COQ10B: variants seen among roughly 807,000 people sequenced by gnomAD.
COQ10B encodes coenzyme Q10B, also known as coenzyme Q-binding protein COQ10 homolog B, mitochondrial.
A neutral mutation model predicts 27.6 loss-of-function variants in COQ10B; 12 were observed. The observed-to-expected ratio is 0.43, with a 90% confidence interval of 0.28 to 0.70. COQ10B has a LOEUF of 0.70. Ranked by LOEUF, COQ10B falls within the 30% of genes least tolerant of loss-of-function variation. The probability of loss-of-function intolerance (pLI) is 0.17; values close to 1 mark genes in which losing one functional copy is unlikely to be tolerated. For synonymous variants in COQ10B, 115 were observed against 103.0 expected (o/e 1.12, Z -0.71); for missense variants, 278 against 288.7 (o/e 0.96, Z 0.27).
chr2:197,460,847 C>T (rs965072927), intron 2 of COQ10B, among the ~76,000 whole-genome samples: 5 of 152,178 alleles, frequency 3.3e-5, no homozygotes, highest in South Asian at 2.1e-4. Context: ...TTTAAATAAA[C>T]GGGTGTGGCC....
chr2:197,454,322 C>T, intron 1 of COQ10B: 1 of 514,744 alleles, frequency 1.9e-6, no homozygotes, highest in Non-Finnish European at 3.4e-6. Context: ...GACTTAGTTT[C>T]CTTTTACTAA....
chr2:197,464,772 C>G (rs539857610), intron 3 of COQ10B, among the ~76,000 whole-genome samples: 1 of 151,994 alleles, frequency 6.6e-6, no homozygotes, highest in African/African-American at 2.4e-5. Flanking sequence ...GGTCACAGAG[C>G]CAAGACTCCA....
At chr2:197,458,985 T>C (rs1035354506) in intron 1 of COQ10B, among the ~76,000 whole-genome samples, 2 of 152,098 alleles carry the variant, frequency 1.3e-5, no homozygotes, top group African/African-American at 2.4e-5. Context: ...CAGTCACTTA[T>C]GTAATAATCT....
At chr2:197,455,751 G>A (rs1455125392) in intron 1 of COQ10B, among the ~76,000 whole-genome samples, 1 of 151,984 alleles carries the variant, frequency 6.6e-6, no homozygotes, top group Non-Finnish European at 1.5e-5. Context: ...CTTGAAATCA[G>A]GAGTTTGAGA....
At chr2:197,470,756 G>A (rs549729867) in intron 4 of COQ10B, among the ~76,000 whole-genome samples, 54 of 152,268 alleles carry the variant, frequency 3.5e-4, no homozygotes, top group Non-Finnish European at 5.6e-4. Flanking sequence ...TTAGCCGGGC[G>A]TGGTGGCATG....
At chr2:197,473,221 T>C (rs780929326) in intron 4 of COQ10B, among the ~76,000 whole-genome samples, 6 of 151,194 alleles carry the variant, frequency 4.0e-5, no homozygotes, top group African/African-American at 1.5e-4. Flanking sequence ...CAGTTCATAG[T>C]GTGAACACCA....
chr2:197,456,587 A>AC (rs1478621755), intron 1 of COQ10B, among the ~76,000 whole-genome samples: 1 of 150,862 alleles, frequency 6.6e-6, no homozygotes, highest in East Asian at 2.0e-4. Flanking sequence ...ACACAGTGAA[A>AC]CCCCATCTCA....
intron 4 of COQ10B, among the ~76,000 whole-genome samples, chr2:197,472,693 ACT>A (rs2085890527): frequency 6.7e-6 from 1 of 149,952 alleles, no homozygotes; most frequent in Admixed American, 6.8e-5. Flanking sequence ...GGTCCCAGCT[ACT>A]CTGGAGGCTG....
intron 3 of COQ10B, among the ~76,000 whole-genome samples, chr2:197,464,478 A>G (rs1477507876): frequency 6.6e-6 from 1 of 152,180 alleles, no homozygotes; most frequent in African/African-American, 2.4e-5. Flanking sequence ...TGTCCAGTGA[A>G]GCTAAGACCC....
intron 3 of COQ10B, among the ~76,000 whole-genome samples, chr2:197,463,934 CAAAAAAAAAAAAAAAAA>C (rs544425623): frequency 4.3e-4 from 6 of 13,898 alleles, no homozygotes; most frequent in African/African-American, 1.4e-3. Context: ...AACTCTGTCT[CAAAAAAAAAAAAAAAAA>C]AAAAAAAAAA....
intron 2 of COQ10B, among the ~76,000 whole-genome samples, chr2:197,461,140 G>C (rs2085753159): frequency 6.6e-6 from 1 of 152,116 alleles, no homozygotes; most frequent in Non-Finnish European, 1.5e-5. Context: ...TTTATTACTA[G>C]CTAGTCTCTG....
chr2:197,454,675 C>T (rs1255506358), intron 1 of COQ10B, among the ~76,000 whole-genome samples: 1 of 151,984 alleles, frequency 6.6e-6, no homozygotes, highest in Non-Finnish European at 1.5e-5. Flanking sequence ...TTGTATTACT[C>T]TTATAAAATG....
intron 4 of COQ10B, among the ~76,000 whole-genome samples, chr2:197,473,435 T>TATATAC (rs1450161548): frequency 9.7e-6 from 1 of 102,780 alleles, no homozygotes; most frequent in Non-Finnish European, 2.0e-5. Context: ...TATATATATA[T>TATATAC]ATATATACAC....
intron 3 of COQ10B, among the ~76,000 whole-genome samples, chr2:197,463,100 T>C (rs2085779294): frequency 6.6e-6 from 1 of 152,162 alleles, no homozygotes; most frequent in South Asian, 2.1e-4. Flanking sequence ...TTACTAAATA[T>C]ATAGTTTTTT....
At chr2:197,454,329 C>CTAATAA (rs1228589520) in intron 1 of COQ10B, 9 of 499,342 alleles carry the variant, frequency 1.8e-5, no homozygotes, top group African/African-American at 1.8e-4. Flanking sequence ...TTTCCTTTTA[C>CTAATAA]TAATAACATT....
chr2:197,453,819 G>A, intron 1 of COQ10B, 155 bp downstream of exon 1: 1 of 1,023,832 alleles, frequency 9.8e-7, no homozygotes, highest in Non-Finnish European at 1.4e-6. Flanking sequence ...GCATCTGAGG[G>A]ACTCAAGAGC....
At chr2:197,463,397 G>A (rs1291877772) in intron 3 of COQ10B, among the ~76,000 whole-genome samples, 2 of 151,688 alleles carry the variant, frequency 1.3e-5, no homozygotes, top group Admixed American at 1.3e-4. Context: ...ACGTGAACCC[G>A]GAGGCAGAGG....
intron 3 of COQ10B, among the ~76,000 whole-genome samples, chr2:197,465,524 T>G (rs1354890897): frequency 2.0e-5 from 3 of 151,830 alleles, no homozygotes; most frequent in African/African-American, 4.8e-5. Context: ...ACTCCTGACC[T>G]CAGGTGATCT....
At chr2:197,455,590 A>G (rs1559290288) in intron 1 of COQ10B, among the ~76,000 whole-genome samples, 1 of 152,124 alleles carries the variant, frequency 6.6e-6, no homozygotes, top group Non-Finnish European at 1.5e-5. Context: ...ACTTGAACCC[A>G]GGAGGTTGAG....
Sources: gnomAD v4.1 joint callset for allele counts (sites outside exome capture counted in the v4.1 genomes callset) on GRCh38, gnomAD v4.1.1 for gene constraint, MANE v1.5 for transcripts, NCBI Gene and HGNC (gene_info 2026-07-23, HGNC 2026-07-21) for gene names.